CBL: variants seen among roughly 807,000 people sequenced by gnomAD.
CBL encodes E3 ubiquitin-protein ligase CBL.
Under a neutral mutation model 96.9 loss-of-function variants are expected in CBL, and 45 were observed. The ratio of observed to expected loss-of-function variants is 0.46; its 90% CI spans 0.37 to 0.60. CBL has a LOEUF of 0.60. Ranked by LOEUF, CBL falls within the 20% of genes least tolerant of loss-of-function variation. CBL has a pLI of 0.00. For missense variants in CBL, 1,024 were observed against 1,143.5 expected (o/e 0.90, Z 1.51); for synonymous variants, 420 against 426.8 (o/e 0.98, Z 0.20).
chr11:119,232,481 C>G lies in CBL; in HGVS notation c.229C>G (p.Leu77Val). Reference sequence around the variant, plus strand: ...GTTGTGTCAGAACCCAAAGCTGGCGCTAAAGAATAGCCCACCTTATATCTT... The same window carrying G: ...GTTGTGTCAGAACCCAAAGCTGGCGGTAAAGAATAGCCCACCTTATATCTT... ...VRLCQNPKLALKNSPPYILDL... is the reference protein window; with the variant it reads ...VRLCQNPKLAVKNSPPYILDL... The change falls in exon 2 of 16, where the codon CTA becomes GTA. Residue 77 changes from leucine (L) to valine (V), a missense_variant. Physicochemically the swap from Leu to Val is conservative, Grantham distance 32. This residue lies in a region of CBL where 114 missense variants were observed against 117.4 expected (regional missense o/e 0.97). Coordinates refer to ENST00000264033, the MANE Select transcript of CBL (RefSeq NM_005188.4). 1 of 1,614,000 alleles carries G rather than the reference C, an allele frequency of 6.2e-7. No individual in the cohort carries two copies. Among genetic ancestry groups the G allele is most frequent in the Non-Finnish European group, 8.5e-7 (1 of 1,179,946 alleles).
intron 11 of CBL, 22 bp downstream of exon 11, chr11:119,285,588 A>C: frequency 1.9e-6 from 3 of 1,612,116 alleles, no homozygotes; most frequent in Non-Finnish European, 2.5e-6. Context: ...TTTTGAAACT[A>C]TCTAACCTGT....
chr11:119,271,888 C>T lies in CBL; in HGVS notation c.590+7C>T, dbSNP rs1433331034. On this transcript the variant is annotated splice_region_variant and intron_variant, in intron 3 of 15. Coordinates refer to ENST00000264033, the MANE Select transcript of CBL (RefSeq NM_005188.4). ...GAAAAGCTTTTGGGGAAAAGTAAGT[C>T]TCAGAATAATGAATTTGAACTATGA... The T allele has an allele frequency of 6.2e-7, 1 of 1,613,314 alleles. No homozygotes were observed. Among genetic ancestry groups the T allele is most frequent in the Non-Finnish European group, 8.5e-7 (1 of 1,179,444 alleles).
intron 9 of CBL, among the ~76,000 whole-genome samples, chr11:119,283,625 C>CTTTCTTTTTTTTTTTTT (rs1949955222): frequency 2.2e-5 from 1 of 45,512 alleles, no homozygotes; most frequent in African/African-American, 7.8e-5. Flanking sequence ...TTAATTCTTT[C>CTTTCTTTTTTTTTTTTT]TTTTTTTTTT....
chr11:119,259,318 T>C lies in CBL; in HGVS notation c.444-12417T>C, dbSNP rs541330141. 3.9e-5 allele frequency among the ~76,000 whole-genome samples: 6 copies of C among 152,318 alleles called. No homozygotes were observed. In the South Asian group the frequency reaches 8.3e-4, roughly 21 times the overall value. On this transcript the variant is annotated intron_variant, in intron 2 of 15. Transcript: ENST00000264033. The stretch of plus-strand genomic sequence containing the variant: ...GTGCCTGGGTAAGTTGGTAGTCTTA[T>C]GTGGCTTTAAGTTTCTTGTATTCTG...
intron 2 of CBL, among the ~76,000 whole-genome samples, chr11:119,235,091 T>A (rs1390093668): frequency 6.6e-6 from 1 of 152,132 alleles, no homozygotes; most frequent in Non-Finnish European, 1.5e-5. Context: ...ACAGGTTTAT[T>A]TTAAAGAGCA....
intron 2 of CBL, among the ~76,000 whole-genome samples, chr11:119,266,802 CTG>C (rs905623683): frequency 6.6e-6 from 1 of 152,140 alleles, no homozygotes; most frequent in African/African-American, 2.4e-5. Context: ...TTCCTCAGCA[CTG>C]TGTTACTGGG....
intron 2 of CBL, among the ~76,000 whole-genome samples, chr11:119,266,569 C>T (rs1349851876): frequency 2.0e-5 from 3 of 151,470 alleles, no homozygotes; most frequent in Non-Finnish European, 2.9e-5. Flanking sequence ...CACAAAGGTA[C>T]GTTGGCTTTG....
At chr11:119,297,735 C>G (rs1253519465) in intron 14 of CBL, among the ~76,000 whole-genome samples, 2 of 152,206 alleles carry the variant, frequency 1.3e-5, no homozygotes, top group African/African-American at 2.4e-5. Flanking sequence ...CAGGCGTGAG[C>G]CACCACGCCC....
chr11:119,223,233 A>C (rs957139514), intron 1 of CBL, among the ~76,000 whole-genome samples: 1 of 111,988 alleles, frequency 8.9e-6, no homozygotes, highest in Non-Finnish European at 1.7e-5. Context: ...AGATCTTGCC[A>C]TCTTGCCCAG....
At chr11:119,286,037 A>T (rs1004334132) in intron 11 of CBL, among the ~76,000 whole-genome samples, 2 of 152,160 alleles carry the variant, frequency 1.3e-5, no homozygotes, top group South Asian at 4.1e-4. Context: ...GGTGGCTCAC[A>T]CCTGCAATCA....
At chr11:119,285,141 T>C (rs774079051) in intron 10 of CBL, 41 bp downstream of exon 10, 30 of 1,614,050 alleles carry the variant, frequency 1.9e-5, no homozygotes, top group Non-Finnish European at 2.5e-5. Context: ...GATTCTTTGC[T>C]GTGTACTAGT....
At chr11:119,232,018 C>T (rs1218483877) in intron 1 of CBL, among the ~76,000 whole-genome samples, 1 of 152,058 alleles carries the variant, frequency 6.6e-6, no homozygotes, top group Non-Finnish European at 1.5e-5. Flanking sequence ...GGGAGGATCA[C>T]CTGAATCTGG....
At chr11:119,276,948 TTAAAC>T (rs1316079065) in intron 6 of CBL, among the ~76,000 whole-genome samples, 1 of 152,288 alleles carries the variant, frequency 6.6e-6, no homozygotes, top group African/African-American at 2.4e-5. Flanking sequence ...CAAATGCAGT[TTAAAC>T]TAAGAAGTTA....
intron 1 of CBL, among the ~76,000 whole-genome samples, chr11:119,224,891 G>A (rs1342488875): frequency 2.6e-5 from 4 of 151,912 alleles, no homozygotes; most frequent in Admixed American, 2.0e-4. Context: ...AGGTGGAGCG[G>A]GAGGCAAGGG....
intron 1 of CBL, among the ~76,000 whole-genome samples, chr11:119,223,943 A>C (rs76317037): frequency 2.6e-5 from 4 of 151,982 alleles, no homozygotes; most frequent in African/African-American, 9.7e-5. Flanking sequence ...TTGAGACTCT[A>C]TCTCTTAAAA....
At chr11:119,297,070 T>A in intron 13 of CBL, 36 bp downstream of exon 13, 2 of 1,055,440 alleles carry the variant, frequency 1.9e-6, no homozygotes, top group Non-Finnish European at 3.0e-6. Flanking sequence ...GCCCTATACC[T>A]TTATGTGGGT....
intron 1 of CBL, among the ~76,000 whole-genome samples, chr11:119,210,962 A>G (rs1949312501): frequency 6.6e-6 from 1 of 152,184 alleles, no homozygotes; most frequent in African/African-American, 2.4e-5. Flanking sequence ...ATACCTACCT[A>G]TGATAAAGCT....
At chr11:119,219,151 G>T (rs992655788) in intron 1 of CBL, among the ~76,000 whole-genome samples, 1 of 152,158 alleles carries the variant, frequency 6.6e-6, no homozygotes, top group Admixed American at 6.6e-5. Flanking sequence ...GCTGAGGCTG[G>T]TGGATCACTT....
chr11:119,210,337 A>G (rs1455574297), intron 1 of CBL, among the ~76,000 whole-genome samples: 2 of 152,212 alleles, frequency 1.3e-5, no homozygotes, highest in African/African-American at 4.8e-5. Context: ...TGAGTCAGCC[A>G]CTGCACTCCA....
Sources: gnomAD v4.1 joint callset for allele counts (sites outside exome capture counted in the v4.1 genomes callset) on GRCh38, gnomAD v4.1.1 for gene constraint, gnomAD v4.1.1 regional missense constraint, MANE v1.5 for transcripts, NCBI Gene and HGNC (gene_info 2026-07-23, HGNC 2026-07-21) for gene names.